The following JPH3 variants were observed in gnomAD, a reference collection of about 807,000 sequenced individuals.
JPH3 encodes junctophilin-3.
JPH3 carries 11 observed loss-of-function variants against 59.6 expected under a neutral mutation model. The observed-to-expected ratio is 0.18, with a 90% CI of 0.12 to 0.31. JPH3 has a LOEUF of 0.31. JPH3 is among the 10% of genes least tolerant of loss of function. The probability of loss-of-function intolerance (pLI) is 1.00; values close to 1 mark genes in which losing one functional copy is unlikely to be tolerated. For synonymous variants in JPH3, 673 were observed against 483.6 expected, an observed-to-expected ratio of 1.39 and a Z score of -5.14; for missense variants, 1,202 against 1,105.7, an observed-to-expected ratio of 1.09 and a Z score of -1.24.
intron 1 of JPH3, among the ~76,000 whole-genome samples, chr16:87,617,358 G>T (rs1391106805): frequency 6.6e-6 from 1 of 152,172 alleles, no homozygotes; most frequent in Non-Finnish European, 1.5e-5. Flanking sequence ...GGTGTCTCCA[G>T]CGTGGGATGT....
chr16:87,605,648 C>G (rs2030491582), intron 1 of JPH3, among the ~76,000 whole-genome samples: 1 of 152,212 alleles, frequency 6.6e-6, no homozygotes, highest in Non-Finnish European at 1.5e-5. Flanking sequence ...AGACAGCTCC[C>G]TCAGCATCCT....
At chr16:87,637,353 A>G (rs923246208) in intron 1 of JPH3, among the ~76,000 whole-genome samples, 2 of 151,662 alleles carry the variant, frequency 1.3e-5, no homozygotes, top group African/African-American at 4.9e-5. Flanking sequence ...CCCGGCCATC[A>G]TCCGTCTGTC....
At chr16:87,661,781 A>T (rs192386456) in intron 2 of JPH3, among the ~76,000 whole-genome samples, 10 of 152,346 alleles carry the variant, frequency 6.6e-5, no homozygotes, top group Admixed American at 5.2e-4. Context: ...TTCGACTTAG[A>T]AGGGGAACAT....
intron 2 of JPH3, among the ~76,000 whole-genome samples, chr16:87,667,336 G>T (rs1182175066): frequency 6.6e-6 from 1 of 152,238 alleles, no homozygotes; most frequent in Non-Finnish European, 1.5e-5. Context: ...GGATTAGGAC[G>T]TGGACCTACC....
intron 1 of JPH3, among the ~76,000 whole-genome samples, chr16:87,624,023 G>T (rs2031282355): frequency 6.6e-6 from 1 of 152,204 alleles, no homozygotes; most frequent in Non-Finnish European, 1.5e-5. Context: ...TAACTGTGCG[G>T]CCCTCCCCAG....
chr16:87,674,693 G>GT, intron 2 of JPH3, among the ~76,000 whole-genome samples: 1 of 152,260 alleles, frequency 6.6e-6, no homozygotes, highest in Non-Finnish European at 1.5e-5. Context: ...TGAAGGAGGA[G>GT]TTTTACTTTC....
chr16:87,637,618 C>G lies in JPH3; in HGVS notation c.383-6640C>G, dbSNP rs531196620. 8.5e-5 allele frequency among the ~76,000 whole-genome samples: 13 copies of G among 152,264 alleles called. No homozygotes were observed. The South Asian group carries it at 2.7e-3, about 32-fold the overall frequency. On this transcript the variant is annotated intron_variant, in intron 1 of 4. Coordinates refer to ENST00000284262, the MANE Select transcript of JPH3 (RefSeq NM_020655.4). ...AGCTGGGTGAGACCCTAGTGACTCACAGGCCCTTCTGCTCTCCTTTCCAGA... is the reference window on the plus strand; with the variant it reads ...AGCTGGGTGAGACCCTAGTGACTCAGAGGCCCTTCTGCTCTCCTTTCCAGA...
At position 87,614,426 on chromosome 16, in the gene JPH3, T is replaced by TACACAGGAGGAGC. The variant is rs55686014; in HGVS notation, c.382+10898_382+10899insACACAGGAGGAGC. Among the ~76,000 whole-genome samples the TACACAGGAGGAGC allele has an allele frequency of 4.2e-5, 6 of 143,486 alleles. 1 individual carries two copies. The highest frequency in any genetic ancestry group is 2.2e-4 in the East Asian group (1 of 4,572). The allele number at this position is 143,486 out of a possible 152,430, so 94.1% of individuals were successfully genotyped here. ...CTCCAAGGATAAAGGCAGGTCCCTGTTCACAGGAGGAGCTGTGCGTCCCCT... is the reference window on the plus strand; with the variant it reads ...CTCCAAGGATAAAGGCAGGTCCCTGTACACAGGAGGAGCTCACAGGAGGAGCTGTGCGTCCCCT... On this transcript the variant is annotated intron_variant, in intron 1 of 4. Transcript: ENST00000284262.
At chr16:87,687,342 G>A (rs186964473) in intron 3 of JPH3, among the ~76,000 whole-genome samples, 4 of 152,332 alleles carry the variant, frequency 2.6e-5, no homozygotes, top group African/African-American at 9.6e-5. Context: ...AGGCTCTGAA[G>A]CCTGGGCCAT....
At chr16:87,669,998 G>A (rs532398221) in intron 2 of JPH3, among the ~76,000 whole-genome samples, 4 of 152,282 alleles carry the variant, frequency 2.6e-5, no homozygotes, top group East Asian at 1.9e-4. Flanking sequence ...CCGAGGCTGC[G>A]TCCCGAGGCT....
chr16:87,605,804 C>T (rs1011819553), intron 1 of JPH3, among the ~76,000 whole-genome samples: 1 of 152,198 alleles, frequency 6.6e-6, no homozygotes, highest in Admixed American at 6.5e-5. Flanking sequence ...AAACCCCCCT[C>T]GTTCTTGCAT....
chr16:87,662,986 C>T (rs945478975), intron 2 of JPH3, among the ~76,000 whole-genome samples: 27 of 152,240 alleles, frequency 1.8e-4, no homozygotes, highest in African/African-American at 6.5e-4. Context: ...TCAGCCGTCA[C>T]ATGCTGTTGG....
At chr16:87,673,109 G>A (rs1203638475) in intron 2 of JPH3, among the ~76,000 whole-genome samples, 1 of 151,680 alleles carries the variant, frequency 6.6e-6, no homozygotes, top group Non-Finnish European at 1.5e-5. Flanking sequence ...TCGCACCGTT[G>A]CACTCCAGAC....
At chr16:87,653,305 G>A (rs935576114) in intron 2 of JPH3, among the ~76,000 whole-genome samples, 8 of 152,190 alleles carry the variant, frequency 5.3e-5, no homozygotes, top group Admixed American at 5.2e-4. Context: ...TGGGGTCTGT[G>A]AGCTGTGCCT....
chr16:87,606,704 A>C (rs1482650256), intron 1 of JPH3, among the ~76,000 whole-genome samples: 1 of 152,182 alleles, frequency 6.6e-6, no homozygotes, highest in Non-Finnish European at 1.5e-5. Flanking sequence ...GGAATATAGT[A>C]AGCATACATT....
intron 1 of JPH3, among the ~76,000 whole-genome samples, chr16:87,626,419 G>C (rs905680237): frequency 6.6e-6 from 1 of 152,214 alleles, no homozygotes; most frequent in Admixed American, 6.5e-5. Context: ...TCTCCTCCCA[G>C]CACCACCACG....
At chr16:87,683,705 C>G (rs1293984953) in intron 2 of JPH3, among the ~76,000 whole-genome samples, 1 of 152,104 alleles carries the variant, frequency 6.6e-6, no homozygotes, top group East Asian at 1.9e-4. Context: ...CTCCCAGATT[C>G]AAGCAATCCT....
intron 1 of JPH3, among the ~76,000 whole-genome samples, chr16:87,614,630 G>T (rs1353737844): frequency 1.4e-5 from 2 of 147,252 alleles, no homozygotes; most frequent in African/African-American, 5.1e-5. Flanking sequence ...GCACACAAGG[G>T]GGTCTGCGCC....
At chr16:87,614,506 A>G (rs1597235673) in intron 1 of JPH3, among the ~76,000 whole-genome samples, 1 of 130,848 alleles carries the variant, frequency 7.6e-6, no homozygotes, top group Non-Finnish European at 1.6e-5. Context: ...CCCCCGCAGG[A>G]TAAACGCAGG....
Sources: allele counts gnomAD v4.1 joint callset (sites outside exome capture counted in the v4.1 genomes callset), GRCh38; gene constraint gnomAD v4.1.1; transcripts MANE v1.5; gene names NCBI Gene and HGNC (gene_info 2026-07-23, HGNC 2026-07-21).